THSD7B: variants seen among roughly 807,000 people sequenced by gnomAD.
THSD7B encodes thrombospondin type-1 domain-containing protein 7B.
Under a neutral mutation model 213.6 loss-of-function variants are expected in THSD7B, and 138 were observed. The ratio of observed to expected loss-of-function variants is 0.65; its 90% CI spans 0.56 to 0.74. The LOEUF is 0.74. Ranked by LOEUF, THSD7B falls within the 30% of genes least tolerant of loss-of-function variation. The pLI is 0.00. For missense variants in THSD7B, 1,931 were observed against 1,991.5 expected (o/e 0.97, Z 0.58); for synonymous variants, 742 against 687.0 (o/e 1.08, Z -1.25).
At chr2:137,234,641 T>C (rs915276188) in intron 9 of THSD7B, among the ~76,000 whole-genome samples, 1 of 152,202 alleles carries the variant, frequency 6.6e-6, no homozygotes, top group Non-Finnish European at 1.5e-5. Flanking sequence ...GTGTTCTTTC[T>C]TGTTCCAACC....
At chr2:137,316,744 C>G (rs1362710673) in intron 12 of THSD7B, among the ~76,000 whole-genome samples, 2 of 128,166 alleles carry the variant, frequency 1.6e-5, no homozygotes, top group African/African-American at 6.3e-5. Context: ...GGCGACAGAG[C>G]GAGACTCTGT....
intron 17 of THSD7B, among the ~76,000 whole-genome samples, chr2:137,585,510 A>G (rs1222855303): frequency 1.3e-5 from 2 of 151,938 alleles, no homozygotes; most frequent in South Asian, 2.1e-4. Context: ...ACTGCTTTAA[A>G]TGTGTCCCAG....
intron 1 of THSD7B, among the ~76,000 whole-genome samples, chr2:136,826,890 T>A (rs1361504008): frequency 6.6e-6 from 1 of 152,178 alleles, no homozygotes; most frequent in Non-Finnish European, 1.5e-5. Flanking sequence ...AGCATAATAA[T>A]CTCTATGTCT....
intron 15 of THSD7B, among the ~76,000 whole-genome samples, chr2:137,491,480 T>C (rs572640971): frequency 2.6e-4 from 39 of 152,364 alleles, no homozygotes; most frequent in African/African-American, 9.1e-4. Flanking sequence ...AATCAAGTCA[T>C]GTGCTTAATT....
At chr2:137,663,343 AACTC>A (rs764733314) in intron 25 of THSD7B, 36 bp from the exon 26 acceptor site, 2 of 1,448,074 alleles carry the variant, frequency 1.4e-6, no homozygotes, top group East Asian at 5.0e-5. Context: ...TCACCTGTTC[AACTC>A]ACTGTGTAAC....
chr2:136,938,140 G>C (rs567729763), intron 2 of THSD7B, among the ~76,000 whole-genome samples: 1 of 152,282 alleles, frequency 6.6e-6, no homozygotes, highest in East Asian at 1.9e-4. Context: ...ACACCAAGAT[G>C]GGTACTTATG....
chr2:137,367,276 T>C (rs539971628), intron 12 of THSD7B, among the ~76,000 whole-genome samples: 1 of 152,226 alleles, frequency 6.6e-6, no homozygotes, highest in Non-Finnish European at 1.5e-5. Context: ...TGCCTTAGCA[T>C]GGGCAAGTCA....
At chr2:137,617,184 G>T in intron 18 of THSD7B, among the ~76,000 whole-genome samples, 1 of 152,108 alleles carries the variant, frequency 6.6e-6, no homozygotes, top group East Asian at 1.9e-4. Context: ...GAGATCTCTG[G>T]TTTTTATAGT....
intron 12 of THSD7B, among the ~76,000 whole-genome samples, chr2:137,282,261 T>G (rs1242344209): frequency 7.9e-5 from 12 of 152,298 alleles, no homozygotes; most frequent in Non-Finnish European, 1.6e-4. Context: ...GTTTGTTTTT[T>G]TCTTGTAAAT....
chr2:137,428,352 A>G (rs1042876435), intron 14 of THSD7B, among the ~76,000 whole-genome samples: 22 of 152,200 alleles, frequency 1.4e-4, no homozygotes, highest in African/African-American at 4.8e-4. Flanking sequence ...ATTGCTCGTG[A>G]GAATACAAAA....
At chr2:136,824,671 C>A (rs1465986604) in intron 1 of THSD7B, among the ~76,000 whole-genome samples, 2 of 152,136 alleles carry the variant, frequency 1.3e-5, no homozygotes, top group Non-Finnish European at 2.9e-5. Context: ...ACTTTTAATA[C>A]ATGGAGTGTC....
intron 15 of THSD7B, among the ~76,000 whole-genome samples, chr2:137,506,751 G>A (rs1679844331): frequency 6.6e-6 from 1 of 152,210 alleles, no homozygotes; most frequent in African/African-American, 2.4e-5. Flanking sequence ...CTGATTCAGT[G>A]CTAATGGACT....
chr2:137,529,061 G>A (rs1680332489), intron 15 of THSD7B, among the ~76,000 whole-genome samples: 2 of 151,942 alleles, frequency 1.3e-5, no homozygotes, highest in African/African-American at 4.8e-5. Context: ...ACTACTTATG[G>A]CTAGTGATAG....
Position 137,332,799 on chromosome 2 carries a change from C to G in THSD7B, c.2500+56773C>G, listed in dbSNP as rs569799088. Among the ~76,000 whole-genome samples the G allele has an allele frequency of 2.0e-5, 3 of 152,174 alleles. No individual in the cohort carries two copies. The East Asian group carries it at 5.8e-4, about 29-fold the overall frequency. ...ATAAGGGGCTTCTCCCTTCGCTCAG[C>G]TCTGTCATTCTCCTGCTGCCCTGTG... On this transcript the variant is annotated intron_variant, in intron 12 of 27. Coordinates refer to ENST00000409968, the MANE Select transcript of THSD7B (RefSeq NM_001316349.2).
At chr2:137,147,395 G>T (rs1256637093) in intron 5 of THSD7B, among the ~76,000 whole-genome samples, 1 of 151,778 alleles carries the variant, frequency 6.6e-6, no homozygotes, top group East Asian at 1.9e-4. Flanking sequence ...AGTCTAAAAT[G>T]ATTTGCAAAT....
chr2:137,106,143 C>T (rs1688244153), intron 4 of THSD7B, among the ~76,000 whole-genome samples: 1 of 152,282 alleles, frequency 6.6e-6, no homozygotes, highest in Middle Eastern at 3.4e-3. Context: ...TGACTTCAAA[C>T]TATACTACAA....
chr2:137,333,974 A>C (rs1375264985), intron 12 of THSD7B, among the ~76,000 whole-genome samples: 1 of 152,170 alleles, frequency 6.6e-6, no homozygotes, highest in African/African-American at 2.4e-5. Context: ...GCCAGAGAAT[A>C]GATATTTTTG....
chr2:137,464,270 A>C (rs1687944212), intron 15 of THSD7B, among the ~76,000 whole-genome samples: 2 of 152,062 alleles, frequency 1.3e-5, no homozygotes, highest in Admixed American at 1.3e-4. Context: ...CCCACAAGTG[A>C]CTTGAAAACT....
At chr2:136,960,234 C>G (rs1405923966) in intron 2 of THSD7B, among the ~76,000 whole-genome samples, 2 of 152,048 alleles carry the variant, frequency 1.3e-5, no homozygotes, top group African/African-American at 4.8e-5. Context: ...CTCAAGTGAT[C>G]CCCGCACCAC....
Sources: gnomAD v4.1 joint callset for allele counts (sites outside exome capture counted in the v4.1 genomes callset) on GRCh38, gnomAD v4.1.1 for gene constraint, MANE v1.5 for transcripts, NCBI Gene and HGNC (gene_info 2026-07-23, HGNC 2026-07-21) for gene names.